Variants in SAMD5 observed in about 807,000 individuals in gnomAD.
SAMD5 encodes the protein sterile alpha motif domain containing 5.
Under a neutral mutation model 11.3 loss-of-function variants are expected in SAMD5, and 13 were observed. The ratio of observed to expected loss-of-function variants is 1.15; its 90% CI spans 0.75 to 1.83. SAMD5 has a LOEUF of 1.83. Among genes scored for constraint, SAMD5 ranks in the 40% most tolerant of loss-of-function variants. SAMD5 has a pLI of 0.00. For synonymous variants in SAMD5, 129 were observed against 111.3 expected (o/e 1.16, Z -1.00); for missense variants, 255 against 239.1 (o/e 1.07, Z -0.44).
chr6:147,913,448 C>T, the SAMD5 span, among the ~76,000 whole-genome samples: 1 of 152,290 alleles, frequency 6.6e-6, no homozygotes. Flanking sequence ...GTAATCTCAG[C>T]ACTTCAGGAG....
At chr6:147,594,209 C>T (rs1789496239) in intron 1 of SAMD5, among the ~76,000 whole-genome samples, 1 of 152,218 alleles carries the variant, frequency 6.6e-6, no homozygotes, top group East Asian at 1.9e-4. Flanking sequence ...TGAAGTAGAC[C>T]ATTTGTGAAT....
chr6:147,694,380 C>T (rs1456811677), intron 1 of SAMD5, among the ~76,000 whole-genome samples: 1 of 152,078 alleles, frequency 6.6e-6, no homozygotes, highest in African/African-American at 2.4e-5. Flanking sequence ...CTGTTACAAA[C>T]TTATTGGGAT....
intron 1 of SAMD5, among the ~76,000 whole-genome samples, chr6:147,536,072 C>T (rs575971855): frequency 1.3e-3 from 201 of 152,204 alleles, no homozygotes; most frequent in Non-Finnish European, 2.4e-3. Context: ...CAAGCTCCAC[C>T]TCCCGGGTTC....
chr6:147,590,509 C>T (rs1166922758), intron 1 of SAMD5, among the ~76,000 whole-genome samples: 1 of 152,160 alleles, frequency 6.6e-6, no homozygotes, highest in African/African-American at 2.4e-5. Flanking sequence ...GTCTCCCGGG[C>T]TCAAGCAATC....
intron 1 of SAMD5, among the ~76,000 whole-genome samples, chr6:147,734,691 C>T (rs9390494): frequency 1.9e-5 from 2 of 104,346 alleles, no homozygotes; most frequent in African/African-American, 7.9e-5. Flanking sequence ...CCAGCCTGGG[C>T]GGCAGAGCGA....
the SAMD5 span, among the ~76,000 whole-genome samples, chr6:147,948,799 A>G: frequency 6.6e-6 from 1 of 151,948 alleles, no homozygotes; most frequent in Non-Finnish European, 1.5e-5. Flanking sequence ...ACTTGTGTTT[A>G]TGTGTGTTTA....
intron 1 of SAMD5, among the ~76,000 whole-genome samples, chr6:147,648,431 T>A (rs143981115): frequency 8.7e-4 from 132 of 152,236 alleles, no homozygotes; most frequent in Middle Eastern, 3.4e-3. Flanking sequence ...GTGGGTATTA[T>A]GGGGATTACA....
downstream of SAMD5, among the ~76,000 whole-genome samples, chr6:147,740,080 A>G (rs1791858913): frequency 4.6e-5 from 7 of 152,210 alleles, no homozygotes; most frequent in Admixed American, 4.6e-4. Context: ...AGCCTCCCAA[A>G]GTGCTGGGAT....
chr6:147,564,557 C>T lies in SAMD5; in HGVS notation c.*101C>T. On this transcript the variant is annotated 3_prime_UTR_variant, in exon 2 of 2. Transcript: ENST00000367474. ...TCAAAAAGGGAAATGGATGATGACC[C>T]TGGAAATACTCATCAGCTTAACTTT... 8.8e-7 allele frequency: 1 copy of T among 1,135,922 alleles called. No individual in the cohort carries two copies. The highest frequency in any genetic ancestry group is 2.1e-5 in the Admixed American group (1 of 46,800). The allele number at this position is 1,135,922 out of a possible 1,614,324, so 70.4% of individuals were successfully genotyped here.
At chr6:147,579,591 G>A (rs533852863) in intron 1 of SAMD5, among the ~76,000 whole-genome samples, 8 of 147,370 alleles carry the variant, frequency 5.4e-5, no homozygotes, top group East Asian at 4.1e-4. Context: ...TCAGTTTCTC[G>A]TGTAGCTGGG....
the SAMD5 span, among the ~76,000 whole-genome samples, chr6:147,940,024 G>A: frequency 1.3e-5 from 2 of 152,054 alleles, no homozygotes; most frequent in African/African-American, 4.8e-5. Flanking sequence ...TCAGCCAGCA[G>A]GTGTCTTAGG....
the SAMD5 span, among the ~76,000 whole-genome samples, chr6:147,749,628 T>G: frequency 6.6e-6 from 1 of 152,182 alleles, no homozygotes; most frequent in African/African-American, 2.4e-5. Context: ...TGATGGAATA[T>G]GACCGGGTTA....
chr6:147,643,744 A>AGAAGGAAGGAAGGAAGGAAGGAAGGAAG (rs6149848), intron 1 of SAMD5, among the ~76,000 whole-genome samples: 1 of 115,998 alleles, frequency 8.6e-6, no homozygotes. Context: ...AGGGAAGGAA[A>AGAAGGAAGGAAGGAAGGAAGGAAGGAAG]GAAGGAAGGA....
At chr6:147,780,631 T>C in the SAMD5 span, among the ~76,000 whole-genome samples, 1 of 152,242 alleles carries the variant, frequency 6.6e-6, no homozygotes, top group Non-Finnish European at 1.5e-5. Flanking sequence ...TGAGGAATTA[T>C]TGATTTCTAT....
chr6:147,698,254 A>G (rs1039473570), intron 1 of SAMD5, among the ~76,000 whole-genome samples: 10 of 151,992 alleles, frequency 6.6e-5, no homozygotes, highest in African/African-American at 2.4e-4. Flanking sequence ...CTGTGGGACT[A>G]TTGAGTGGGT....
intron 1 of SAMD5, among the ~76,000 whole-genome samples, chr6:147,552,653 AT>A (rs996477646): frequency 6.6e-6 from 1 of 152,212 alleles, no homozygotes; most frequent in Non-Finnish European, 1.5e-5. Flanking sequence ...TAGCAGGAAA[AT>A]AAGAAAAGCC....
Position 147,549,558 on chromosome 6 carries a change from T to C in SAMD5, c.460-14836T>C, listed in dbSNP as rs149840156. On this transcript the variant is annotated intron_variant, in intron 1 of 1. Transcript: ENST00000367474. ...AGGCTCCTGGAAAGGTTTTCCATAA[T>C]AGAGCAACACATCACCAAGCAGCCA... Among the ~76,000 whole-genome samples, 603 of 152,308 alleles carry C rather than the reference T, an allele frequency of 4.0e-3. 3 individuals carry two copies. The highest frequency in any genetic ancestry group is 0.014 in the African/African-American group (574 of 41,564).
intron 1 of SAMD5, among the ~76,000 whole-genome samples, chr6:147,545,778 A>ATAT (rs1180458098): frequency 1.3e-5 from 2 of 152,210 alleles, no homozygotes; most frequent in African/African-American, 2.4e-5. Flanking sequence ...TACATACATA[A>ATAT]ATCAGGTTAT....
At chr6:147,643,255 T>G (rs955255562) in intron 1 of SAMD5, among the ~76,000 whole-genome samples, 1 of 152,166 alleles carries the variant, frequency 6.6e-6, no homozygotes, top group South Asian at 2.1e-4. Context: ...CAAATATGCT[T>G]TTTTTTATGG....
Sources: allele counts gnomAD v4.1 joint callset (sites outside exome capture counted in the v4.1 genomes callset), GRCh38; gene constraint gnomAD v4.1.1; transcripts MANE v1.5; gene names NCBI Gene and HGNC (gene_info 2026-07-23, HGNC 2026-07-21).